Variants in RP1 observed in about 807,000 individuals in gnomAD.
RP1 encodes oxygen-regulated protein 1.
A neutral mutation model predicts 14.8 loss-of-function variants in RP1; 16 were observed. The observed-to-expected ratio is 1.08, with a 90% CI of 0.73 to 1.65. The LOEUF is 1.65. Ranked by LOEUF, RP1 falls within the 40% of genes most tolerant of loss-of-function variation. The probability of loss-of-function intolerance (pLI) is 0.00; values close to 1 mark genes in which losing one functional copy is unlikely to be tolerated. For synonymous variants in RP1, 876 were observed against 883.6 expected, an observed-to-expected ratio of 0.99 and a Z score of 0.15; for missense variants, 2,631 against 2,535.0, an observed-to-expected ratio of 1.04 and a Z score of -0.81.
At chr8:54,587,898 C>G (rs1448959621) in intron 1 of RP1, among the ~76,000 whole-genome samples, 1 of 152,128 alleles carries the variant, frequency 6.6e-6, no homozygotes, top group African/African-American at 2.4e-5. Flanking sequence ...ATAGATTCTA[C>G]TTACAAAGCT....
At chr8:54,673,010 C>T (rs551959225) in intron 7 of RP1, among the ~76,000 whole-genome samples, 1 of 152,216 alleles carries the variant, frequency 6.6e-6, no homozygotes, top group South Asian at 2.1e-4. Flanking sequence ...CAGGCATGAA[C>T]AGTATTTTTT....
chr8:54,855,002 G>A (rs936168323), intron 26 of RP1, among the ~76,000 whole-genome samples: 16 of 152,054 alleles, frequency 1.1e-4, no homozygotes, highest in African/African-American at 3.6e-4. Context: ...CATGACTACC[G>A]TCCATCTCCA....
At chr8:54,672,044 C>T (rs984380364) in intron 7 of RP1, among the ~76,000 whole-genome samples, 3 of 152,106 alleles carry the variant, frequency 2.0e-5, no homozygotes, top group African/African-American at 7.2e-5. Context: ...ATGTGTCTTC[C>T]CTGGGCTTAT....
In RP1 at chr8:54,850,405, G is replaced by T. The variant is rs117764178; in HGVS notation, c.3836-2169G>T. 2.6e-5 allele frequency among the ~76,000 whole-genome samples: 4 copies of T among 152,258 alleles called. No individual in the cohort carries two copies. The East Asian group carries it at 5.8e-4, about 22-fold the overall frequency. ...TTAGACTTATCATTGAGCTCCCCCA[G>T]GAGTTCATCTCCTTCTATATATCCT... On this transcript the variant is annotated intron_variant, in intron 25 of 28. Transcript: ENST00000637698.
chr8:54,577,669 C>T (rs1804691397), intron 1 of RP1, among the ~76,000 whole-genome samples: 1 of 152,112 alleles, frequency 6.6e-6, no homozygotes, highest in Admixed American at 6.5e-5. Context: ...CTCATTTAAT[C>T]CTCAAGATAA....
Position 54,842,572 on chromosome 8 carries a change from C to A in RP1, c.3835+4903C>A, listed in dbSNP as rs867662627. Among the ~76,000 whole-genome samples the A allele has an allele frequency of 1.7e-4, 26 of 152,148 alleles. 1 individual carries two copies. The highest frequency in any genetic ancestry group is 5.6e-4 in the African/African-American group (23 of 41,422). On this transcript the variant is annotated intron_variant, in intron 25 of 28. Transcript: ENST00000637698. ...TTCATTCCTTCCCCTCCTTCCTTTG[C>A]ATCATTTAGCTGTTATCATGGGAAC...
At position 54,616,190 on chromosome 8, in the gene RP1, G is replaced by T. The variant is rs960184736; in HGVS notation, c.-25G>T. On this transcript the variant is annotated 5_prime_UTR_variant, in exon 1 of 4. Transcript: ENST00000220676. ...TCTTTTTCTTTTCTTAATAAGGGACGTTTCAAGTTGTGGTAAGTACAAAAC... is the reference window on the plus strand; with the variant it reads ...TCTTTTTCTTTTCTTAATAAGGGACTTTTCAAGTTGTGGTAAGTACAAAAC... The T allele has an allele frequency of 1.3e-5, 2 of 152,158 alleles. No homozygotes were observed. The highest frequency in any genetic ancestry group is 4.8e-5 in the African/African-American group (2 of 41,428). The allele number at this position is 152,158 out of a possible 1,614,324, so 9.4% of individuals were successfully genotyped here.
At chr8:54,640,126 A>G (rs1450424124) in intron 3 of RP1, among the ~76,000 whole-genome samples, 2 of 146,392 alleles carry the variant, frequency 1.4e-5, no homozygotes, top group African/African-American at 5.1e-5. Context: ...TTTTTTTTTT[A>G]AATATACTGT....
At chr8:54,789,282 T>A (rs1399929676) in intron 24 of RP1, among the ~76,000 whole-genome samples, 1 of 152,172 alleles carries the variant, frequency 6.6e-6, no homozygotes, top group Admixed American at 6.5e-5. Context: ...GGCTAGAGAA[T>A]ACAGTCTGCA....
intron 27 of RP1, among the ~76,000 whole-genome samples, chr8:54,858,092 G>T (rs1204330996): frequency 6.6e-6 from 1 of 152,014 alleles, no homozygotes; most frequent in Non-Finnish European, 1.5e-5. Context: ...TTTAATTAGT[G>T]ACCATTTACT....
intron 3 of RP1, among the ~76,000 whole-genome samples, chr8:54,642,860 G>A (rs1381259905): frequency 8.5e-5 from 13 of 152,130 alleles, no homozygotes; most frequent in Middle Eastern, 3.4e-3. Context: ...CCATTTCTTC[G>A]GACTGTTATA....
chr8:54,614,782 G>A (rs1365013743), upstream of RP1, among the ~76,000 whole-genome samples: 1 of 152,128 alleles, frequency 6.6e-6, no homozygotes, highest in Non-Finnish European at 1.5e-5. Context: ...TTTTGATGCT[G>A]ATGCTTCTGG....
chr8:54,689,582 A>G (rs993683975), intron 12 of RP1, among the ~76,000 whole-genome samples: 3 of 152,104 alleles, frequency 2.0e-5, no homozygotes, highest in African/African-American at 4.8e-5. Flanking sequence ...ACCAGTTTTC[A>G]CTGTCATCAG....
downstream of RP1, among the ~76,000 whole-genome samples, chr8:54,773,472 A>C (rs1034048489): frequency 6.6e-6 from 1 of 151,998 alleles, no homozygotes; most frequent in Non-Finnish European, 1.5e-5. Flanking sequence ...CTCGATCTCT[A>C]CTAAAAATGC....
chr8:54,838,683 G>C (rs1174507711), intron 25 of RP1, among the ~76,000 whole-genome samples: 1 of 152,122 alleles, frequency 6.6e-6, no homozygotes, highest in African/African-American at 2.4e-5. Context: ...ATTCCTGCAT[G>C]CATATGTGAA....
chr8:54,812,558 C>T (rs867318485), intron 24 of RP1, among the ~76,000 whole-genome samples: 2 of 152,184 alleles, frequency 1.3e-5, no homozygotes, highest in Non-Finnish European at 2.9e-5. Context: ...TTCTCAATAA[C>T]CAACCTTAGA....
At chr8:54,786,462 G>T (rs1810319976) in intron 24 of RP1, among the ~76,000 whole-genome samples, 2 of 151,736 alleles carry the variant, frequency 1.3e-5, no homozygotes, top group South Asian at 4.2e-4. Context: ...CTTACTGTTG[G>T]TTTTAATAGT....
At chr8:54,798,601 G>A (rs1269080588) in intron 24 of RP1, among the ~76,000 whole-genome samples, 1 of 152,120 alleles carries the variant, frequency 6.6e-6, no homozygotes, top group African/African-American at 2.4e-5. Context: ...TCAGGCATAA[G>A]ACAACAGAGG....
In RP1 at chr8:54,626,249, A is replaced by G. The variant is rs1806043892; in HGVS notation, c.2367A>G (p.Ala789=). Residue 789 remains alanine, a synonymous_variant, in exon 4 of 4, where the codon GCA becomes GCG. Coordinates refer to ENST00000220676, the MANE Select transcript of RP1 (RefSeq NM_006269.2). ...SRSLNKISLG[A]PKKREIGQRD... is the part of the protein sequence containing the mutation. ...CACTAAATAAAATAAGCTTAGGAGC[A>G]CCTAAAAAAAGAGAAATCGGTCAAA... 1 of 1,613,384 alleles carries G rather than the reference A, an allele frequency of 6.2e-7. No individual in the cohort carries two copies. The highest frequency in any genetic ancestry group is 1.3e-5 in the African/African-American group (1 of 74,904).
Sources: gnomAD v4.1 joint callset for allele counts (sites outside exome capture counted in the v4.1 genomes callset) on GRCh38, gnomAD v4.1.1 for gene constraint, MANE v1.5 for transcripts, NCBI Gene and HGNC (gene_info 2026-07-23, HGNC 2026-07-21) for gene names.